The following MMP14 variants were observed in gnomAD, a reference collection of about 807,000 sequenced individuals.
The protein encoded by MMP14 is matrix metallopeptidase 14.
Under a neutral mutation model 64.8 loss-of-function variants are expected in MMP14, and 13 were observed. That is an observed-to-expected ratio of 0.20 (90% CI 0.13 to 0.32). The LOEUF (loss-of-function observed/expected upper bound fraction) is 0.32, where lower values mean the gene tolerates loss of function less well. Ranked by LOEUF, MMP14 falls within the 10% of genes least tolerant of loss-of-function variation. The pLI is 1.00. For missense variants in MMP14, 594 were observed against 783.8 expected, an observed-to-expected ratio of 0.76 and a Z score of 2.89; for synonymous variants, 322 against 315.9, an observed-to-expected ratio of 1.02 and a Z score of -0.20.
chr14:22,840,569 C>T (rs542642930), intron 1 of MMP14, among the ~76,000 whole-genome samples: 76 of 151,190 alleles, frequency 5.0e-4, no homozygotes, highest in Non-Finnish European at 9.9e-4. Context: ...AGTGCAGTGG[C>T]GCAATCTCAG....
intron 9 of MMP14, 88 bp from the exon 10 acceptor site, chr14:22,845,620 C>A: frequency 7.4e-7 from 1 of 1,349,682 alleles, no homozygotes; most frequent in Non-Finnish European, 1.0e-6. Context: ...GCTCAGCTGC[C>A]CTCACATTAA....
chr14:22,845,514 C>T (rs147203625), intron 9 of MMP14, 148 bp downstream of exon 9: 12 of 835,872 alleles, frequency 1.4e-5, no homozygotes, highest in Admixed American at 1.2e-4. Flanking sequence ...TGCTTCCACA[C>T]GTGGTGCCCA....
At position 22,847,643 on chromosome 14, in the gene MMP14, T is replaced by C. The variant is rs888628826; in HGVS notation, c.*1604T>C. 1.8e-4 allele frequency: 1 copy of C among 5,688 alleles called. No individual in the cohort carries two copies. The highest frequency in any genetic ancestry group is 3.6e-4 in the Non-Finnish European group (1 of 2,776). The allele number at this position is 5,688 out of a possible 1,614,324, so 0.4% of individuals were successfully genotyped here. A position where few individuals can be genotyped will look rare whatever the true frequency, so the allele number is the denominator to read the frequency against. ...CAAGGGGCATGGGGAGGGGTGGGGG[T>C]GGGGGGGCAGAGGCGTCTGACCCCA... On this transcript the variant is annotated 3_prime_UTR_variant, in exon 10 of 10. Coordinates refer to ENST00000311852, the MANE Select transcript of MMP14 (RefSeq NM_004995.4).
rs1416423577 is a variant in MMP14 at position 22,847,288 on chromosome 14, G to A, written c.*1249G>A. The A allele has an allele frequency of 6.6e-6, 1 of 152,500 alleles. No individual in the cohort carries two copies. Among genetic ancestry groups the A allele is most frequent in the African/African-American group, 2.4e-5 (1 of 41,476 alleles). 9.4% of individuals were successfully genotyped at this position (152,500 alleles called of 1,614,324 possible). On this transcript the variant is annotated 3_prime_UTR_variant, in exon 10 of 10. Coordinates refer to ENST00000311852, the MANE Select transcript of MMP14 (RefSeq NM_004995.4). ...GCAGGAGCTGGGGCTCGCTTAGGCT[G>A]GGTCCACGCTTCCCTGGTGCCAGCA...
rs554941987 is a variant in MMP14, at chr14:22,846,568, G to C, written c.*529G>C. 1.3e-5 allele frequency: 2 copies of C among 153,740 alleles called. No individual in the cohort carries two copies. Among genetic ancestry groups the C allele is most frequent in the African/African-American group, 4.8e-5 (2 of 41,604 alleles). The allele number at this position is 153,740 out of a possible 1,614,324, so 9.5% of individuals were successfully genotyped here. On this transcript the variant is annotated 3_prime_UTR_variant, in exon 10 of 10. Coordinates refer to ENST00000311852, the MANE Select transcript of MMP14 (RefSeq NM_004995.4). ...TGTTGAGGGTAGAGACCCTGAGACA[G>C]TGTGAGGGGGTGGGGACTGCCAAGC...
chr14:22,844,644 G>T lies in MMP14; in HGVS notation c.1165G>T (p.Val389Leu). 5.0e-6 allele frequency: 8 copies of T among 1,614,134 alleles called. No homozygotes were observed. Among genetic ancestry groups the T allele is most frequent in the African/African-American group, 1.3e-5 (1 of 75,016 alleles). Reference sequence around the variant, plus strand: ...GTCCTCCCCAGGAGACAAGCATTGGGTGTTTGATGAGGCGTCCCTGGAACC... The same window carrying T: ...GTCCTCCCCAGGAGACAAGCATTGGTTGTTTGATGAGGCGTCCCTGGAACC... The part of the protein sequence containing the change: ...FVFFKGDKHW[V>L]FDEASLEPGY... Residue 389 changes from valine to leucine, a missense_variant, in exon 8 of 10, where the codon GTG (valine) becomes TTG (leucine). By Grantham distance (32) the Val-to-Leu change is conservative. Coordinates refer to ENST00000311852, the MANE Select transcript of MMP14 (RefSeq NM_004995.4).
intron 2 of MMP14, 121 bp from the exon 3 acceptor site, chr14:22,841,792 C>T (rs1047665340): frequency 6.4e-7 from 1 of 1,560,654 alleles, no homozygotes; most frequent in Non-Finnish European, 8.7e-7. Flanking sequence ...TCACCCTGAC[C>T]TCATAACCTT....
rs2039774551 is a variant in MMP14, at chr14:22,841,751, T to C, written c.257+112T>C. 3.7e-5 allele frequency: 57 copies of C among 1,548,742 alleles called. 2 individuals are homozygous for C. The South Asian group carries it at 6.7e-4, about 18-fold the overall frequency. ...GTGCACCCCACTCCCCCATATCTCA[T>C]CCCCACGTGCTGATCCTGACCCTCT... On this transcript the variant is annotated intron_variant, in intron 2 of 9. Transcript: ENST00000311852.
intron 8 of MMP14, among the ~76,000 whole-genome samples, chr14:22,844,993 G>A (rs1238827603): frequency 6.6e-6 from 1 of 152,080 alleles, no homozygotes; most frequent in Admixed American, 6.6e-5. Context: ...GTCATTTGGC[G>A]CCTCCTGCCC....
chr14:22,840,925 A>G (rs1486241949), intron 1 of MMP14, among the ~76,000 whole-genome samples: 1 of 152,174 alleles, frequency 6.6e-6, no homozygotes, highest in Non-Finnish European at 1.5e-5. Flanking sequence ...ACCACATTCC[A>G]AGTTCCTAGT....
chr14:22,844,537 G>A (rs2039798032), intron 7 of MMP14, 28 bp downstream of exon 7: 3 of 1,613,972 alleles, frequency 1.9e-6, no homozygotes, highest in Non-Finnish European at 2.5e-6. Context: ...TTTAGTCTTT[G>A]GGAGTGAGGC....
chr14:22,842,386 T>C lies in MMP14; in HGVS notation c.381-24T>C. The C allele has an allele frequency of 1.3e-6, 2 of 1,593,948 alleles. No individual in the cohort carries two copies. The highest frequency in any genetic ancestry group is 1.7e-6 in the Non-Finnish European group (2 of 1,168,926). On this transcript the variant is annotated intron_variant, in intron 3 of 9. Transcript: ENST00000311852. This position sits in a 1 kb window ranked among gnomAD's most constrained non-coding sequence, Gnocchi z 5.3. ...CTCTTTATCCTAACACACCCCATCC[T>C]CTCCCCACGTGGCTGGACCTCAGCA...
rs769821855 is a variant in MMP14 at position 22,842,392 on chromosome 14, C to A, written c.381-18C>A. The A allele has an allele frequency of 1.3e-6, 2 of 1,599,044 alleles. No homozygotes were observed. On this transcript the variant is annotated intron_variant, in intron 3 of 9. Coordinates refer to ENST00000311852, the MANE Select transcript of MMP14 (RefSeq NM_004995.4). The surrounding 1 kb of genome is among the most constrained non-coding windows in gnomAD (Gnocchi z 5.3). ...ATCCTAACACACCCCATCCTCTCCC[C>A]ACGTGGCTGGACCTCAGCATCCAGA...
At chr14:22,838,450 C>G (rs948063514) in intron 1 of MMP14, among the ~76,000 whole-genome samples, 1 of 152,096 alleles carries the variant, frequency 6.6e-6, no homozygotes, top group Non-Finnish European at 1.5e-5. Flanking sequence ...AGGAGCAGCC[C>G]CAGAGGCTAG....
Position 22,843,429 on chromosome 14 carries a change from T to C in MMP14, c.850+11T>C. The C allele has an allele frequency of 6.2e-7, 1 of 1,609,612 alleles. No homozygotes were observed. The highest frequency in any genetic ancestry group is 1.1e-5 in the South Asian group (1 of 90,622). On this transcript the variant is annotated intron_variant, in intron 5 of 9. Coordinates refer to ENST00000311852, the MANE Select transcript of MMP14 (RefSeq NM_004995.4). This position sits in a 1 kb window ranked among gnomAD's most constrained non-coding sequence, Gnocchi z 4.8. ...TCCAGCAACTTTATGGCGAGTAGTC[T>C]ACACCCACGCCTGCTCCCTCCTCTG...
In MMP14 at chr14:22,847,587, GA is replaced by G. The variant is rs2039824671; in HGVS notation, c.*1550del. Reference sequence around the variant, plus strand: ...TATTTTTATTATAATTATTATATATGAATTCCATTCAAATCGTTCCTTTTTG... The same window carrying G: ...TATTTTTATTATAATTATTATATATGATTCCATTCAAATCGTTCCTTTTTG... On this transcript the variant is annotated 3_prime_UTR_variant, in exon 10 of 10. Coordinates refer to ENST00000311852, the MANE Select transcript of MMP14 (RefSeq NM_004995.4). 1 of 132,940 alleles carries G rather than the reference GA, an allele frequency of 7.5e-6. No individual in the cohort carries two copies. The highest frequency in any genetic ancestry group is 2.5e-4 in the South Asian group (1 of 3,956). The allele number at this position is 132,940 out of a possible 1,614,324, so 8.2% of individuals were successfully genotyped here.
At chr14:22,839,263 C>G (rs10130510) in intron 1 of MMP14, among the ~76,000 whole-genome samples, 2,276 of 152,264 alleles carry the variant, frequency 0.015, 58 homozygotes, top group African/African-American at 0.052. Flanking sequence ...GTCATAAGCC[C>G]GGGGTGTGTT....
rs927591335 is a variant in MMP14, at chr14:22,836,879, C to T, written c.62C>T (p.Ala21Val). 6.2e-7 allele frequency: 1 copy of T among 1,613,820 alleles called. No homozygotes were observed. Among genetic ancestry groups the T allele is most frequent in the Non-Finnish European group, 8.5e-7 (1 of 1,179,850 alleles). ...LLLPLLTLGT[A>V]LASLGSAQSS... The stretch of plus-strand genomic sequence containing the variant: ...CTCCCCCTGCTCACGCTCGGCACCG[C>T]GCTCGCCTCCCTCGGCTCGGCCCAA... Residue 21 changes from alanine to valine, a missense_variant, in exon 1 of 10, where the codon GCG (alanine) becomes GTG (valine). Physicochemically the swap from Ala to Val is moderately conservative, Grantham distance 64. Around this residue, in one of 4 missense-constraint regions of MMP14, gnomAD observed 45 missense variants for 48.8 expected, o/e 0.92. Coordinates refer to ENST00000311852, the MANE Select transcript of MMP14 (RefSeq NM_004995.4).
At position 22,836,776 on chromosome 14, in the gene MMP14, C is replaced by A; in HGVS notation, c.-42C>A. The A allele has an allele frequency of 1.5e-6, 2 of 1,341,312 alleles. No homozygotes were observed. The highest frequency in any genetic ancestry group is 2.1e-6 in the Non-Finnish European group (2 of 974,018). 83.1% of individuals were successfully genotyped at this position (1,341,312 alleles called of 1,614,324 possible). A position where few individuals can be genotyped will look rare whatever the true frequency, so the allele number is the denominator to read the frequency against. On this transcript the variant is annotated 5_prime_UTR_variant, in exon 1 of 10. Coordinates refer to ENST00000311852, the MANE Select transcript of MMP14 (RefSeq NM_004995.4). ...TGCGACCCCAGGGCGTGGGCCCGGC[C>A]GCGGAGCCCACACTGCCCGGCTGAC...
Sources: gnomAD v4.1 joint callset for allele counts (sites outside exome capture counted in the v4.1 genomes callset) on GRCh38, gnomAD v4.1.1 for gene constraint, gnomAD v4.1.1 regional missense constraint, Gnocchi (gnomAD v3.1) non-coding constraint, MANE v1.5 for transcripts, NCBI Gene and HGNC (gene_info 2026-07-23, HGNC 2026-07-21) for gene names.